Variants in EPHA6 observed in about 807,000 individuals in gnomAD.
EPHA6 encodes the protein ephrin type-A receptor 6.
A neutral mutation model predicts 112.0 loss-of-function variants in EPHA6; 50 were observed. That is an observed-to-expected ratio of 0.45 (90% CI 0.36 to 0.56). EPHA6 has a LOEUF of 0.56. EPHA6 is among the 20% of genes least tolerant of loss of function. The probability of loss-of-function intolerance (pLI) is 0.00; values close to 1 mark genes in which losing one functional copy is unlikely to be tolerated. For synonymous variants in EPHA6, 529 were observed against 490.7 expected, an observed-to-expected ratio of 1.08 and a Z score of -1.03; for missense variants, 1,280 against 1,417.4, an observed-to-expected ratio of 0.90 and a Z score of 1.56.
intron 3 of EPHA6, among the ~76,000 whole-genome samples, chr3:97,116,139 C>A (rs2047880149): frequency 1.3e-5 from 2 of 151,700 alleles, no homozygotes; most frequent in Non-Finnish European, 1.5e-5. Context: ...CATGTGTCTT[C>A]TTTTAAAACA....
At chr3:97,396,356 T>C (rs1282103566) in intron 5 of EPHA6, among the ~76,000 whole-genome samples, 2 of 149,050 alleles carry the variant, frequency 1.3e-5, no homozygotes, top group Non-Finnish European at 3.0e-5. Flanking sequence ...GAATTAGCAT[T>C]ATTTAATACA....
intron 3 of EPHA6, among the ~76,000 whole-genome samples, chr3:97,113,019 T>A (rs1249939165): frequency 6.6e-6 from 1 of 152,154 alleles, no homozygotes; most frequent in Non-Finnish European, 1.5e-5. Context: ...CATACTTGAC[T>A]TGTTTTTAGT....
At chr3:96,901,582 T>A (rs1285608342) in intron 2 of EPHA6, among the ~76,000 whole-genome samples, 1 of 152,136 alleles carries the variant, frequency 6.6e-6, no homozygotes, top group Non-Finnish European at 1.5e-5. Context: ...AAAATAAAAT[T>A]ACATAATGTA....
At chr3:97,131,645 A>G (rs867362425) in intron 3 of EPHA6, among the ~76,000 whole-genome samples, 1 of 152,136 alleles carries the variant, frequency 6.6e-6, no homozygotes. Context: ...GCTAAAAATG[A>G]CCCAGATGCC....
At chr3:97,078,209 T>C (rs759601389) in intron 3 of EPHA6, among the ~76,000 whole-genome samples, 10 of 152,242 alleles carry the variant, frequency 6.6e-5, no homozygotes, top group Non-Finnish European at 1.3e-4. Flanking sequence ...GAAGTGTCTG[T>C]TCATATCCTT....
chr3:97,536,220 TAACC>T (rs992757367), intron 11 of EPHA6, among the ~76,000 whole-genome samples: 2 of 152,120 alleles, frequency 1.3e-5, no homozygotes, highest in African/African-American at 4.8e-5. Flanking sequence ...ATTAACTATA[TAACC>T]AACAGAGAAA....
At chr3:96,906,483 C>T (rs777636405) in intron 2 of EPHA6, among the ~76,000 whole-genome samples, 4 of 152,036 alleles carry the variant, frequency 2.6e-5, no homozygotes, top group Admixed American at 6.6e-5. Flanking sequence ...ACCAGTTGAA[C>T]GTCTTGAACA....
intron 5 of EPHA6, among the ~76,000 whole-genome samples, chr3:97,354,160 C>T (rs981391018): frequency 6.6e-6 from 1 of 152,074 alleles, no homozygotes; most frequent in African/African-American, 2.4e-5. Context: ...TGGAAAACTA[C>T]CCAAGAAGGA....
chr3:97,388,277 C>A (rs1187915577), intron 5 of EPHA6, among the ~76,000 whole-genome samples: 1 of 152,088 alleles, frequency 6.6e-6, no homozygotes, highest in African/African-American at 2.4e-5. Context: ...TGAAACCATG[C>A]TTATTGCATT....
At chr3:96,929,180 C>A (rs1445398463) in intron 2 of EPHA6, among the ~76,000 whole-genome samples, 1 of 152,152 alleles carries the variant, frequency 6.6e-6, no homozygotes, top group Non-Finnish European at 1.5e-5. Flanking sequence ...TTTAGGGCAC[C>A]AAGTCCCACA....
At chr3:97,000,287 A>ACATATATATAGC (rs1553685554) in intron 3 of EPHA6, among the ~76,000 whole-genome samples, 2,668 of 147,158 alleles carry the variant, frequency 0.018, 90 homozygotes, top group African/African-American at 0.063. Flanking sequence ...ACACACACAC[A>ACATATATATAGC]CACACATATA....
chr3:97,684,690 G>A (rs2032117443), intron 14 of EPHA6, among the ~76,000 whole-genome samples: 1 of 152,156 alleles, frequency 6.6e-6, no homozygotes, highest in Non-Finnish European at 1.5e-5. Context: ...AGCCAGAGGT[G>A]TTGTGTTTGA....
intron 7 of EPHA6, among the ~76,000 whole-genome samples, chr3:97,462,510 T>C (rs2090923701): frequency 6.6e-6 from 1 of 152,180 alleles, no homozygotes; most frequent in Non-Finnish European, 1.5e-5. Context: ...CATAGCCACC[T>C]ACTCCACTAC....
intron 11 of EPHA6, among the ~76,000 whole-genome samples, chr3:97,585,170 A>AG (rs2093476995): frequency 6.6e-6 from 1 of 152,226 alleles, no homozygotes; most frequent in Non-Finnish European, 1.5e-5. Flanking sequence ...AAAATTATGT[A>AG]AATAGACTTT....
At chr3:96,818,927 T>A (rs1487560169) in intron 1 of EPHA6, among the ~76,000 whole-genome samples, 1 of 151,894 alleles carries the variant, frequency 6.6e-6, no homozygotes, top group East Asian at 1.9e-4. Flanking sequence ...GAATATAATT[T>A]TATTATACAT....
chr3:96,987,487 G>A lies in EPHA6; in HGVS notation c.608G>A (p.Arg203Lys). ...TATGTGGAAATGAAATTCACACTAAGGGATTGTAACAGCATCCCATGGGTC... is the reference window on the plus strand; with the variant it reads ...TATGTGGAAATGAAATTCACACTAAAGGATTGTAACAGCATCCCATGGGTC... ...KIYVEMKFTL[R>K]DCNSIPWVLG... Residue 203 changes from arginine (R) to lysine (K), a missense_variant, in exon 3 of 18, where the codon AGG (arginine) becomes AAG (lysine). Physicochemically the swap from Arg to Lys is conservative, Grantham distance 26. Around this residue, in one of 4 missense-constraint regions of EPHA6, gnomAD observed 878 missense variants for 999.7 expected, o/e 0.88. Coordinates refer to ENST00000389672, the MANE Select transcript of EPHA6 (RefSeq NM_001080448.3). 6.2e-7 allele frequency: 1 copy of A among 1,613,908 alleles called. No homozygotes were observed. Among genetic ancestry groups the A allele is most frequent in the Non-Finnish European group, 8.5e-7 (1 of 1,179,844 alleles).
chr3:97,383,045 A>G (rs922043860), intron 5 of EPHA6, among the ~76,000 whole-genome samples: 1 of 152,026 alleles, frequency 6.6e-6, no homozygotes, highest in Non-Finnish European at 1.5e-5. Context: ...TAATTTTTGA[A>G]GTCATAGGAT....
chr3:97,555,176 C>T lies in EPHA6; in HGVS notation c.2386+22633C>T, dbSNP rs571935249. ...ATTCCCATCTATGAGTGAGAACATG[C>T]GGTGTTTGGTTTTTTGTCCTTGTGA... On this transcript the variant is annotated intron_variant, in intron 11 of 17. Coordinates refer to ENST00000389672, the MANE Select transcript of EPHA6 (RefSeq NM_001080448.3). 3.0e-3 allele frequency among the ~76,000 whole-genome samples: 448 copies of T among 149,616 alleles called. 2 individuals carry two copies. Among genetic ancestry groups the T allele is most frequent in the African/African-American group, 0.01 (421 of 40,630 alleles).
intron 5 of EPHA6, among the ~76,000 whole-genome samples, chr3:97,253,225 T>A (rs2079194735): frequency 1.3e-5 from 2 of 152,190 alleles, no homozygotes; most frequent in African/African-American, 4.8e-5. Flanking sequence ...GATTAAACAG[T>A]GATATGACAG....
Sources: gnomAD v4.1 joint callset for allele counts (sites outside exome capture counted in the v4.1 genomes callset) on GRCh38, gnomAD v4.1.1 for gene constraint, gnomAD v4.1.1 regional missense constraint, MANE v1.5 for transcripts, NCBI Gene and HGNC (gene_info 2026-07-23, HGNC 2026-07-21) for gene names.